DLG2: variants seen among roughly 807,000 people sequenced by gnomAD.
DLG2 encodes disks large homolog 2.
DLG2 carries 45 observed loss-of-function variants against 132.5 expected under a neutral mutation model. That is an observed-to-expected ratio of 0.34 (90% confidence interval 0.27 to 0.44). DLG2 has a LOEUF of 0.44. DLG2 is among the 20% of genes least tolerant of loss of function. The pLI, the probability that DLG2 is intolerant of heterozygous loss-of-function variation, is 1.00. For missense variants in DLG2, 1,045 were observed against 1,196.9 expected (o/e 0.87, Z 1.87); for synonymous variants, 424 against 419.6 (o/e 1.01, Z -0.13).
At chr11:85,082,735 C>CTTTT (rs71036458) in intron 6 of DLG2, among the ~76,000 whole-genome samples, 50 of 113,356 alleles carry the variant, frequency 4.4e-4, no homozygotes, top group South Asian at 6.2e-4. Context: ...TCTTTTCTTT[C>CTTTT]TTTTTTTTTT....
At chr11:85,530,888 T>C (rs938521353) in intron 3 of DLG2, among the ~76,000 whole-genome samples, 2 of 152,176 alleles carry the variant, frequency 1.3e-5, no homozygotes, top group Admixed American at 1.3e-4. Flanking sequence ...ACACACTACT[T>C]TCAAAGCCAC....
intron 22 of DLG2, among the ~76,000 whole-genome samples, chr11:83,478,631 C>T (rs776876115): frequency 1.3e-5 from 2 of 151,968 alleles, no homozygotes; most frequent in African/African-American, 2.4e-5. Context: ...CTTTAAAATA[C>T]TCTATAAAAA....
At chr11:83,981,782 G>A (rs894143489) in intron 11 of DLG2, among the ~76,000 whole-genome samples, 1 of 152,136 alleles carries the variant, frequency 6.6e-6, no homozygotes, top group African/African-American at 2.4e-5. Flanking sequence ...TTTATAACAT[G>A]GCAGAATATC....
intron 6 of DLG2, among the ~76,000 whole-genome samples, chr11:84,630,070 C>T (rs2099628912): frequency 6.6e-6 from 1 of 152,124 alleles, no homozygotes; most frequent in Non-Finnish European, 1.5e-5. Context: ...CTTTACCTGC[C>T]TCTTGCCTTG....
intron 3 of DLG2, among the ~76,000 whole-genome samples, chr11:85,529,835 AAGG>A (rs1257707378): frequency 1.3e-5 from 2 of 152,188 alleles, no homozygotes; most frequent in Non-Finnish European, 2.9e-5. Context: ...GCTCCCAGAC[AAGG>A]AGATGAGTTT....
At chr11:85,384,677 TCCTG>T (rs1342314292) in intron 3 of DLG2, among the ~76,000 whole-genome samples, 4 of 152,224 alleles carry the variant, frequency 2.6e-5, no homozygotes, top group African/African-American at 4.8e-5. Context: ...CAAGTGATTC[TCCTG>T]CCTTAACCCC....
At chr11:83,770,265 G>GTTTTTTTTT (rs71066064) in intron 18 of DLG2, among the ~76,000 whole-genome samples, 2 of 128,770 alleles carry the variant, frequency 1.6e-5, no homozygotes, top group African/African-American at 6.6e-5. Context: ...GTTTTTTTTT[G>GTTTTTTTTT]TTTTTTTGCT....
chr11:85,396,898 C>A (rs1338550987), intron 3 of DLG2, among the ~76,000 whole-genome samples: 1 of 152,116 alleles, frequency 6.6e-6, no homozygotes, highest in Non-Finnish European at 1.5e-5. Flanking sequence ...GCAAGGCAGG[C>A]CAACATTCAA....
chr11:85,247,989 A>G (rs1055368725), intron 4 of DLG2, among the ~76,000 whole-genome samples: 20 of 152,196 alleles, frequency 1.3e-4, no homozygotes, highest in Middle Eastern at 3.4e-3. Flanking sequence ...GACCTTATTT[A>G]TATCAGCTCT....
At chr11:84,769,072 C>T (rs1047571539) in intron 6 of DLG2, among the ~76,000 whole-genome samples, 1 of 152,086 alleles carries the variant, frequency 6.6e-6, no homozygotes, top group African/African-American at 2.4e-5. Context: ...TTTTCTGACA[C>T]TATGAAAAAT....
chr11:84,492,959 A>G (rs1408136240), intron 7 of DLG2, among the ~76,000 whole-genome samples: 1 of 152,154 alleles, frequency 6.6e-6, no homozygotes, highest in African/African-American at 2.4e-5. Flanking sequence ...CAGGTTCCTG[A>G]TGTTTTGATA....
At chr11:84,431,002 C>G (rs1050501499) in intron 7 of DLG2, among the ~76,000 whole-genome samples, 3 of 152,156 alleles carry the variant, frequency 2.0e-5, no homozygotes, top group Non-Finnish European at 4.4e-5. Flanking sequence ...ACTCTTCAAT[C>G]TACTATGAGG....
chr11:85,047,947 C>T (rs668816), intron 6 of DLG2, among the ~76,000 whole-genome samples: 100,950 of 151,586 alleles, frequency 0.67, 34,086 homozygotes, highest in African/African-American at 0.74. Flanking sequence ...GTTATCTCCA[C>T]GAGAATTCTA....
intron 6 of DLG2, among the ~76,000 whole-genome samples, chr11:85,056,542 T>C (rs1335662833): frequency 6.6e-6 from 1 of 152,012 alleles, no homozygotes; most frequent in Non-Finnish European, 1.5e-5. Flanking sequence ...TGTGTGTCAA[T>C]GGACTCTGAG....
chr11:83,588,074 C>CCG (rs2097122738), intron 19 of DLG2, among the ~76,000 whole-genome samples: 1 of 152,210 alleles, frequency 6.6e-6, no homozygotes, highest in Non-Finnish European at 1.5e-5. Flanking sequence ...CCCGCCATTG[C>CCG]CCAGGCTTGA....
At chr11:84,068,588 A>G (rs2096712572) in intron 10 of DLG2, among the ~76,000 whole-genome samples, 1 of 152,212 alleles carries the variant, frequency 6.6e-6, no homozygotes, top group Non-Finnish European at 1.5e-5. Context: ...TCAATTTCAG[A>G]TAAACATTAG....
rs79157500 is a variant in DLG2 at position 83,650,899 on chromosome 11, G to A, written c.1826-17574C>T. Among the ~76,000 whole-genome samples, 25 of 152,246 alleles carry A rather than the reference G, an allele frequency of 1.6e-4. No individual in the cohort carries two copies. The East Asian group carries it at 4.4e-3, about 27-fold the overall frequency. On this transcript the variant is annotated intron_variant, in intron 18 of 27. Coordinates refer to ENST00000376104, the MANE Select transcript of DLG2 (RefSeq NM_001142699.3). ...GGAAATGGCCTGTCTGCAACATGCA[G>A]CCTTTATTCTTATCTGCATGGCATA...
intron 3 of DLG2, among the ~76,000 whole-genome samples, chr11:85,396,523 A>C (rs1391429635): frequency 6.6e-6 from 1 of 152,044 alleles, no homozygotes; most frequent in Non-Finnish European, 1.5e-5. Flanking sequence ...GAAGCTAAAA[A>C]CCTTGAAAAA....
At chr11:85,023,259 T>A (rs980225769) in intron 6 of DLG2, among the ~76,000 whole-genome samples, 1 of 152,100 alleles carries the variant, frequency 6.6e-6, no homozygotes, top group Non-Finnish European at 1.5e-5. Flanking sequence ...GATTTATGTA[T>A]GTCCTTAGGC....
Sources: gnomAD v4.1 joint callset for allele counts (sites outside exome capture counted in the v4.1 genomes callset) on GRCh38, gnomAD v4.1.1 for gene constraint, MANE v1.5 for transcripts, NCBI Gene and HGNC (gene_info 2026-07-23, HGNC 2026-07-21) for gene names.